The following KIAA2012 variants were observed in gnomAD, a reference collection of about 807,000 sequenced individuals.
The protein encoded by KIAA2012 is uncharacterized protein KIAA2012.
In KIAA2012, 125 loss-of-function variants were observed where a neutral mutation model predicts 150.6. The ratio of observed to expected loss-of-function variants is 0.83; its 90% CI spans 0.72 to 0.96. The LOEUF is 0.96. Among genes scored for constraint, KIAA2012 ranks in the 40% least tolerant of loss-of-function variants. KIAA2012 has a pLI of 0.00. For synonymous variants in KIAA2012, 462 were observed against 504.7 expected (o/e 0.92, Z 1.13); for missense variants, 1,219 against 1,354.9 (o/e 0.90, Z 1.57).
rs538444072 is a variant in KIAA2012, at chr2:202,122,586, C to T, written c.1763-2628C>T. ...CACGATCTCGGCTCACTGCAGCTTC[C>T]GCTTCTCGGGTTCAAGAGATTCTCC... On this transcript the variant is annotated intron_variant, in intron 11 of 23. Coordinates refer to ENST00000498697, the MANE Select transcript of KIAA2012 (RefSeq NM_001277372.4). Among the ~76,000 whole-genome samples the T allele has an allele frequency of 5.9e-5, 9 of 151,576 alleles. No homozygotes were observed. In the South Asian group the frequency reaches 8.4e-4, roughly 14 times the overall value.
At chr2:202,114,706 G>A (rs1022018135) in intron 11 of KIAA2012, 2 of 164,544 alleles carry the variant, frequency 1.2e-5, no homozygotes, top group African/African-American at 4.8e-5. Context: ...ATACATAGAA[G>A]GGTCACAATA....
At chr2:202,078,882 A>C (rs1445532388) in intron 2 of KIAA2012, among the ~76,000 whole-genome samples, 1 of 152,112 alleles carries the variant, frequency 6.6e-6, no homozygotes, top group Non-Finnish European at 1.5e-5. Context: ...TCACCTCTCT[A>C]ATATAAATCT....
chr2:202,117,572 T>G (rs901181436), intron 11 of KIAA2012, among the ~76,000 whole-genome samples: 3 of 152,232 alleles, frequency 2.0e-5, no homozygotes, highest in African/African-American at 7.2e-5. Flanking sequence ...TATTCCCACC[T>G]GTACTGCCCA....
At chr2:202,151,813 G>T (rs1574293910) in intron 13 of KIAA2012, among the ~76,000 whole-genome samples, 1 of 152,084 alleles carries the variant, frequency 6.6e-6, no homozygotes, top group East Asian at 1.9e-4. Flanking sequence ...CCAGGCTGGA[G>T]TGCAGTGGCA....
At chr2:202,183,628 C>T (rs1489891150) in intron 15 of KIAA2012, among the ~76,000 whole-genome samples, 1 of 151,838 alleles carries the variant, frequency 6.6e-6, no homozygotes, top group Non-Finnish European at 1.5e-5. Context: ...CTCAGCCTCC[C>T]GAGTAGCAGG....
At chr2:202,148,087 C>T (rs538118459) in intron 13 of KIAA2012, among the ~76,000 whole-genome samples, 200 of 152,262 alleles carry the variant, frequency 1.3e-3, no homozygotes, top group African/African-American at 4.6e-3. Context: ...AAGACAATAG[C>T]AATTAGAACT....
chr2:202,117,219 A>G (rs1378222164), intron 11 of KIAA2012, among the ~76,000 whole-genome samples: 3 of 152,252 alleles, frequency 2.0e-5, no homozygotes, highest in Non-Finnish European at 4.4e-5. Context: ...GATAACTAGT[A>G]TTCTAGATAA....
intron 23 of KIAA2012, among the ~76,000 whole-genome samples, chr2:202,204,732 T>C (rs888225699): frequency 1.6e-5 from 2 of 125,840 alleles, no homozygotes; most frequent in Admixed American, 1.7e-4. Flanking sequence ...TTAACTCCTT[T>C]TTTGTAAAAA....
chr2:202,148,876 G>A (rs1223116518), intron 13 of KIAA2012, among the ~76,000 whole-genome samples: 1 of 152,118 alleles, frequency 6.6e-6, no homozygotes, highest in Non-Finnish European at 1.5e-5. Context: ...ACAACGCCCG[G>A]CCCATTCGGA....
intron 11 of KIAA2012, among the ~76,000 whole-genome samples, chr2:202,123,509 C>T (rs574956443): frequency 4.5e-4 from 69 of 152,208 alleles, no homozygotes; most frequent in Non-Finnish European, 6.8e-4. Flanking sequence ...AATCCCAGGC[C>T]GCCTGCTCAG....
At chr2:202,172,376 T>C (rs1206801787) in intron 15 of KIAA2012, among the ~76,000 whole-genome samples, 1 of 152,232 alleles carries the variant, frequency 6.6e-6, no homozygotes, top group East Asian at 1.9e-4. Context: ...CATCCCTGTG[T>C]TTCTGAGAGG....
intron 12 of KIAA2012, among the ~76,000 whole-genome samples, chr2:202,133,154 A>G (rs1690997227): frequency 7.8e-6 from 1 of 128,664 alleles, no homozygotes; most frequent in Non-Finnish European, 1.7e-5. Flanking sequence ...TGGAGAATGG[A>G]GACCACCACG....
Position 202,109,795 on chromosome 2 carries a change from C to T in KIAA2012, c.1651+6C>T, listed in dbSNP as rs1430081959. 3.9e-6 allele frequency: 6 copies of T among 1,545,310 alleles called. No homozygotes were observed. The Admixed American group carries it at 6.0e-5, about 15-fold the overall frequency. On this transcript the variant is annotated splice_donor_region_variant and intron_variant, in intron 10 of 23. Transcript: ENST00000498697. ...GGCACTGCCAGCAGCTCAAGGTAAT[C>T]ATTCCCAGAGTGCATAGACGCCCCC...
chr2:202,143,186 G>A (rs1020082523), intron 13 of KIAA2012, among the ~76,000 whole-genome samples: 1 of 149,398 alleles, frequency 6.7e-6, no homozygotes, highest in African/African-American at 2.5e-5. Context: ...CAGGGTTCAA[G>A]CAATTCTCTT....
chr2:202,137,775 C>CT (rs1287435792), intron 12 of KIAA2012: 1 of 152,344 alleles, frequency 6.6e-6, no homozygotes, highest in Non-Finnish European at 1.5e-5. Context: ...TGCACCTCAG[C>CT]TGCCACACCT....
At chr2:202,121,444 A>G (rs1690650545) in intron 11 of KIAA2012, among the ~76,000 whole-genome samples, 2 of 152,206 alleles carry the variant, frequency 1.3e-5, no homozygotes, top group African/African-American at 2.4e-5. Context: ...AATATGGTTG[A>G]ACCTCAAAGA....
At chr2:202,203,325 A>G (rs930816522) in intron 23 of KIAA2012, among the ~76,000 whole-genome samples, 1 of 152,194 alleles carries the variant, frequency 6.6e-6, no homozygotes, top group Non-Finnish European at 1.5e-5. Context: ...ACATCTCTCT[A>G]TAAAGCAAAA....
intron 2 of KIAA2012, among the ~76,000 whole-genome samples, chr2:202,077,334 C>T (rs1285747060): frequency 1.3e-5 from 2 of 152,210 alleles, no homozygotes; most frequent in African/African-American, 4.8e-5. Flanking sequence ...TACCTTCCAT[C>T]GTCTTCAGAT....
intron 12 of KIAA2012, among the ~76,000 whole-genome samples, chr2:202,130,989 G>A (rs564701838): frequency 5.4e-4 from 82 of 152,114 alleles, no homozygotes; most frequent in Non-Finnish European, 6.8e-4. Flanking sequence ...GATGTTTCCC[G>A]CCTAGTTTCT....
Sources: gnomAD v4.1 joint callset for allele counts (sites outside exome capture counted in the v4.1 genomes callset) on GRCh38, gnomAD v4.1.1 for gene constraint, MANE v1.5 for transcripts, NCBI Gene and HGNC (gene_info 2026-07-23, HGNC 2026-07-21) for gene names.